GPC4: variants seen among roughly 807,000 people sequenced by gnomAD.
The protein encoded by GPC4 is glypican 4.
Under a neutral mutation model 35.0 loss-of-function variants are expected in GPC4, and 10 were observed. The ratio of observed to expected loss-of-function variants is 0.29; its 90% confidence interval spans 0.18 to 0.48. The LOEUF (loss-of-function observed/expected upper bound fraction) is 0.48. GPC4 is among the 20% of genes least tolerant of loss of function. GPC4 has a pLI of 0.99. For missense variants in GPC4, 322 were observed against 451.3 expected (o/e 0.71, Z 2.60); for synonymous variants, 167 against 170.2 (o/e 0.98, Z 0.15).
chrX:133,408,062 C>T (rs2068797294), intron 1 of GPC4, among the ~76,000 whole-genome samples: 1 of 112,472 alleles, frequency 8.9e-6, no homozygotes, highest in Non-Finnish European at 1.9e-5. Context: ...CACCAGATTG[C>T]TGAATTAAAT....
chrX:133,355,066 T>C (rs1040451337), intron 1 of GPC4, among the ~76,000 whole-genome samples: 2 of 112,236 alleles, frequency 1.8e-5, no homozygotes, highest in Non-Finnish European at 3.8e-5. Flanking sequence ...TTTTTCCAAA[T>C]GAACTGCCTA....
chrX:133,392,233 A>AAAAT (rs1398522558), intron 1 of GPC4, among the ~76,000 whole-genome samples: 3 of 104,577 alleles, frequency 2.9e-5, no homozygotes, highest in African/African-American at 1.1e-4. Context: ...ATTCTGTCTC[A>AAAAT]AAATAAATAA....
At chrX:133,329,968 T>G (rs928452600) in intron 2 of GPC4, among the ~76,000 whole-genome samples, 1 of 111,803 alleles carries the variant, frequency 8.9e-6, no homozygotes, top group Admixed American at 9.5e-5. Flanking sequence ...CAAATAAACA[T>G]TCAAAATTCT....
At chrX:133,327,644 T>C (rs1484531347) in intron 2 of GPC4, among the ~76,000 whole-genome samples, 2 of 62,893 alleles carry the variant, frequency 3.2e-5, no homozygotes, top group African/African-American at 1.2e-4. Flanking sequence ...AAAGTGTGTG[T>C]GTGTGTGTGT....
chrX:133,311,261 T>C lies in GPC4; in HGVS notation c.874A>G (p.Ile292Val), dbSNP rs1243227222. 9 of 1,209,121 alleles carry C rather than the reference T, an allele frequency of 7.4e-6. No homozygotes were observed. The highest frequency in any genetic ancestry group is 1.0e-5 in the Non-Finnish European group (9 of 894,580). The part of the protein sequence containing the change: ...GDLDFEWNNF[I>V]DAMLMVAERL... Reference sequence around the variant, plus strand: ...AATATGTTAACCACTTGCTCACCTATGAAATTGTTCCATTCAAAATCGAGA... The same window carrying C: ...AATATGTTAACCACTTGCTCACCTACGAAATTGTTCCATTCAAAATCGAGA... Residue 292 changes from isoleucine to valine, a missense_variant, in exon 4 of 9, where the codon ATA becomes GTA. Coordinates refer to ENST00000370828, the MANE Select transcript of GPC4 (RefSeq NM_001448.3).
intron 1 of GPC4, among the ~76,000 whole-genome samples, chrX:133,408,178 A>G (rs897631350): frequency 3.5e-5 from 4 of 112,749 alleles, no homozygotes; most frequent in African/African-American, 1.3e-4. Flanking sequence ...ATGTTTAACC[A>G]AGTAGATTTG....
At chrX:133,377,877 C>CTTTTTTTTTTCTTTTTTTTTTT (rs2068641616) in intron 1 of GPC4, among the ~76,000 whole-genome samples, 17 of 86,184 alleles carry the variant, frequency 2.0e-4, no homozygotes, top group East Asian at 7.4e-4. Context: ...TTTTCTTTTT[C>CTTTTTTTTTTCTTTTTTTTTTT]TTTTTTTTTT....
intron 1 of GPC4, among the ~76,000 whole-genome samples, chrX:133,349,786 A>G (rs775582800): frequency 4.5e-5 from 5 of 110,906 alleles, no homozygotes; most frequent in Non-Finnish European, 7.6e-5. Flanking sequence ...ACACCCGGTT[A>G]ATTTTTGTAT....
Position 133,347,248 on chromosome X carries a change from G to GTTTTTTTTTTTTTTTT in GPC4, c.161-7923_161-7908dup, listed in dbSNP as rs763800349. On this transcript the variant is annotated intron_variant, in intron 1 of 8. Transcript: ENST00000370828. ...TAAATCTAAAACTCTTCTATTAGAA[G>GTTTTTTTTTTTTTTTT]TTTTTTTTTTTTTTTTTTTTTTTTT... Among the ~76,000 whole-genome samples, 2 of 25,426 alleles carry GTTTTTTTTTTTTTTTT rather than the reference G, an allele frequency of 7.9e-5. 1 individual carries two copies. Among genetic ancestry groups the GTTTTTTTTTTTTTTTT allele is most frequent in the African/African-American group, 2.8e-4 (2 of 7,192 alleles). The allele number at this position is 25,426 out of a possible 115,157, so 22.1% of individuals were successfully genotyped here.
intron 1 of GPC4, among the ~76,000 whole-genome samples, chrX:133,403,551 G>A (rs1409639582): frequency 9.0e-6 from 1 of 111,381 alleles, no homozygotes; most frequent in Non-Finnish European, 1.9e-5. Context: ...GAGCACAGCA[G>A]ATATGAATAA....
intron 3 of GPC4, among the ~76,000 whole-genome samples, chrX:133,312,195 G>A (rs910647723): frequency 9.0e-6 from 1 of 111,216 alleles, no homozygotes; most frequent in Non-Finnish European, 1.9e-5. Context: ...TAAGTTCAAT[G>A]AAATGAACAA....
intron 1 of GPC4, among the ~76,000 whole-genome samples, chrX:133,363,187 TTTG>T (rs2068576546): frequency 9.0e-6 from 1 of 111,202 alleles, no homozygotes; most frequent in Non-Finnish European, 1.9e-5. Context: ...TTTTAGTGCT[TTTG>T]TTTTCTTTTG....
Position 133,398,742 on chromosome X carries a change from T to C in GPC4, c.160+16064A>G, listed in dbSNP as rs373981511. Among the ~76,000 whole-genome samples the C allele has an allele frequency of 1.8e-4, 19 of 105,711 alleles. No individual in the cohort carries two copies. The South Asian group carries it at 8.5e-3, about 47-fold the overall frequency. 91.8% of individuals were successfully genotyped at this position (105,711 alleles called of 115,157 possible). Reference sequence around the variant, plus strand: ...AAGATTGTGCCACTGCACTTTAGCCTGGGTGACAGACTGAGACTCTGTCTC... The same window carrying C: ...AAGATTGTGCCACTGCACTTTAGCCCGGGTGACAGACTGAGACTCTGTCTC... On this transcript the variant is annotated intron_variant, in intron 1 of 8. Coordinates refer to ENST00000370828, the MANE Select transcript of GPC4 (RefSeq NM_001448.3).
intron 1 of GPC4, among the ~76,000 whole-genome samples, chrX:133,411,739 T>C (rs773852655): frequency 4.9e-4 from 55 of 111,598 alleles, no homozygotes; most frequent in Non-Finnish European, 1.0e-3. Flanking sequence ...CAAAAGTACA[T>C]GGCCATTGAA....
At chrX:133,355,599 T>C (rs1439388415) in intron 1 of GPC4, among the ~76,000 whole-genome samples, 1 of 112,018 alleles carries the variant, frequency 8.9e-6, no homozygotes, top group Middle Eastern at 4.2e-3. Context: ...TTCTTTTTAT[T>C]CCACCAGTAA....
chrX:133,392,732 G>A (rs1262029094), intron 1 of GPC4, among the ~76,000 whole-genome samples: 5 of 108,625 alleles, frequency 4.6e-5, no homozygotes, highest in East Asian at 2.9e-4. Flanking sequence ...CAAAAGAAGC[G>A]GCTAAACTCT....
At chrX:133,409,215 C>T (rs6638089) in intron 1 of GPC4, among the ~76,000 whole-genome samples, 2 of 102,994 alleles carry the variant, frequency 1.9e-5, no homozygotes, top group African/African-American at 7.1e-5. Context: ...CCCAGCTACT[C>T]TGGAGGCTGA....
chrX:133,350,592 C>T (rs747767203), intron 1 of GPC4, among the ~76,000 whole-genome samples: 119 of 111,638 alleles, frequency 1.1e-3, no homozygotes, highest in African/African-American at 3.7e-3. Context: ...TCCATGCAAA[C>T]CATTCCTCAA....
chrX:133,363,060 G>A (rs1355175738), intron 1 of GPC4, among the ~76,000 whole-genome samples: 1 of 112,618 alleles, frequency 8.9e-6, no homozygotes, highest in Non-Finnish European at 1.9e-5. Context: ...TGGCTAAGCT[G>A]TAGTCAAAAC....
Sources: allele counts gnomAD v4.1 joint callset (sites outside exome capture counted in the v4.1 genomes callset), GRCh38; gene constraint gnomAD v4.1.1; transcripts MANE v1.5; gene names NCBI Gene and HGNC (gene_info 2026-07-23, HGNC 2026-07-21).